Variants in SPATA31A1 observed in about 807,000 individuals in gnomAD.
SPATA31A1 encodes SPATA31 subfamily A member 1.
For missense variants in SPATA31A1, 579 were observed against 1,476.3 expected (o/e 0.39, Z 9.96); for synonymous variants, 194 against 573.4 (o/e 0.34, Z 9.45).
In SPATA31A1 at chr9:39,361,084, A is replaced by G; in HGVS notation, c.3319A>G (p.Ile1107Val). ...CKNQRPMFPP[I>V]HKSEKSRKPN... ...GAACCAAAGGCCAATGTTTCCCCCT[A>G]TTCACAAGAGTGAGAAGTCTAGGAA... The change falls in exon 4 of 4, where the codon ATT becomes GTT. Residue 1107 changes from isoleucine (I) to valine (V), a missense_variant. Transcript: ENST00000377647. The G allele has an allele frequency of 1.2e-6, 2 of 1,611,240 alleles. No homozygotes were observed. Among genetic ancestry groups the G allele is most frequent in the South Asian group, 1.1e-5 (1 of 90,944 alleles).
rs554469580 is a variant in SPATA31A1, at chr9:39,357,638, C to G, written c.248-120C>G. On this transcript the variant is annotated intron_variant, in intron 2 of 3. Coordinates refer to ENST00000377647, the MANE Select transcript of SPATA31A1 (RefSeq NM_001085452.4). ...CGTCGGGGTCATGTGGCTTTGGACA[C>G]AGATGGGTGGGGCCCAGGGTCTAAT... The G allele has an allele frequency of 5.3e-5, 85 of 1,592,330 alleles. 2 individuals are homozygous for G. The South Asian group carries it at 9.1e-4, about 17-fold the overall frequency.
intron 3 of SPATA31A1, 74 bp from the exon 4 acceptor site, chr9:39,358,000 G>A (rs1162372475): frequency 1.3e-6 from 2 of 1,579,646 alleles, no homozygotes; most frequent in African/African-American, 1.4e-5. Context: ...TGGAGGGGCT[G>A]TGGCCCGAGC....
Position 39,358,857 on chromosome 9 carries a change from G to C in SPATA31A1, c.1092G>C (p.Arg364=). 2.5e-6 allele frequency: 4 copies of C among 1,596,090 alleles called. No homozygotes were observed. The highest frequency in any genetic ancestry group is 3.4e-6 in the Non-Finnish European group (4 of 1,179,716). The part of the protein sequence containing the change: ...MTPEKHLNSL[R]NLAKSLDAEQ... ...CAGAAAAGCACTTAAATTCTTTGCG[G>C]AATTTGGCTAAATCATTGGATGCTG... is the stretch of plus-strand genomic sequence containing the variant. Residue 364 remains arginine, a synonymous_variant, in exon 4 of 4, where the codon CGG becomes CGC. Transcript: ENST00000377647.
At position 39,361,444 on chromosome 9, in the gene SPATA31A1, C is replaced by T. The variant is rs1468217021; in HGVS notation, c.3679C>T (p.Arg1227Cys). Reference sequence around the variant, plus strand: ...CGAGAAAATGTCACTTTGCCATGCGCGCCATGCCTCGAAGGTAAATCAGCA... The same window carrying T: ...CGAGAAAATGTCACTTTGCCATGCGTGCCATGCCTCGAAGGTAAATCAGCA... The part of the protein sequence containing the change: ...LDEKMSLCHA[R>C]HASKVNQHKQ... Residue 1227 changes from arginine to cysteine, a missense_variant, in exon 4 of 4, where the codon CGC becomes TGC. Coordinates refer to ENST00000377647, the MANE Select transcript of SPATA31A1 (RefSeq NM_001085452.4). 51 of 1,613,050 alleles carry T rather than the reference C, an allele frequency of 3.2e-5. 2 individuals carry two copies. Among genetic ancestry groups the T allele is most frequent in the Admixed American group, 2.8e-4 (17 of 59,946 alleles).
At position 39,361,337 on chromosome 9, in the gene SPATA31A1, A is replaced by C; in HGVS notation, c.3572A>C (p.Lys1191Thr). 1 of 1,613,650 alleles carries C rather than the reference A, an allele frequency of 6.2e-7. No individual in the cohort carries two copies. The highest frequency in any genetic ancestry group is 1.3e-5 in the African/African-American group (1 of 74,842). Residue 1191 changes from lysine to threonine, a missense_variant, in exon 4 of 4, where the codon AAA (lysine) becomes ACA (threonine). Physicochemically the swap from Lys to Thr is moderately conservative, Grantham distance 78 (BLOSUM62 -1). Coordinates refer to ENST00000377647, the MANE Select transcript of SPATA31A1 (RefSeq NM_001085452.4). ...GCACCAGTCACTGCTGAGAGCCAAA[A>C]AACAGTGAAAAACAGATCATGTGTG... ...KPAPVTAESQ[K>T]TVKNRSCVYS... is the part of the protein sequence containing the mutation.
intron 2 of SPATA31A1, chr9:39,357,518 C>A: frequency 1.8e-6 from 1 of 569,358 alleles, no homozygotes; most frequent in Non-Finnish European, 3.2e-6. Context: ...TCCTTTCTCC[C>A]CACAGGGCAG....
rs1289946823 is a variant in SPATA31A1, at chr9:39,361,384, C to G, written c.3619C>G (p.Gln1207Glu). The G allele has an allele frequency of 2.5e-6, 4 of 1,613,648 alleles. No homozygotes were observed. Among genetic ancestry groups the G allele is most frequent in the Non-Finnish European group, 2.5e-6 (3 of 1,179,842 alleles). ...TGTGTACAGCAGCAGTGCTGAAGCT[C>G]AGGGTCTCATGACGGCAGTTGGACA... Reference protein sequence around the residue: ...SCVYSSSAEAQGLMTAVGQML... With the variant: ...SCVYSSSAEAEGLMTAVGQML... The change falls in exon 4 of 4, where the codon CAG (glutamine) becomes GAG (glutamate). Residue 1207 changes from glutamine (Q) to glutamate (E), a missense_variant. Coordinates refer to ENST00000377647, the MANE Select transcript of SPATA31A1 (RefSeq NM_001085452.4).
chr9:39,359,173 C>T lies in SPATA31A1; in HGVS notation c.1408C>T (p.Gln470Ter). 3 of 1,611,866 alleles carry T rather than the reference C, an allele frequency of 1.9e-6. No individual in the cohort carries two copies. The highest frequency in any genetic ancestry group is 1.7e-6 in the Non-Finnish European group (2 of 1,179,862). The change falls in exon 4 of 4, where the codon CAG becomes TAG. Residue 470 changes from glutamine (Q) to a stop codon, truncating the protein, a stop_gained. Coordinates refer to ENST00000377647, the MANE Select transcript of SPATA31A1 (RefSeq NM_001085452.4). LOFTEE classifies it low-confidence loss of function (END_TRUNC). ...TTMSPLLFQA[Q>*]PPSHLGPECQ... The stretch of plus-strand genomic sequence containing the variant: ...AATGTCCCCACTGCTTTTCCAGGCC[C>T]AGCCCCCGTCCCATCTGGGGCCCGA...
At position 39,358,820 on chromosome 9, in the gene SPATA31A1, A is replaced by G; in HGVS notation, c.1055A>G (p.Asp352Gly). 2 of 1,597,104 alleles carry G rather than the reference A, an allele frequency of 1.3e-6. No individual in the cohort carries two copies. Among genetic ancestry groups the G allele is most frequent in the Non-Finnish European group, 8.5e-7 (1 of 1,179,748 alleles). ...EEKENVGSFT[D>G]RMTPEKHLNS... ...AAAGAAAATGTTGGATCATTTACAGATCGAATGACCCCAGAAAAGCACTTA... is the reference window on the plus strand; with the variant it reads ...AAAGAAAATGTTGGATCATTTACAGGTCGAATGACCCCAGAAAAGCACTTA... The change falls in exon 4 of 4, where the codon GAT becomes GGT. Residue 352 changes from aspartate (D) to glycine (G), a missense_variant. Coordinates refer to ENST00000377647, the MANE Select transcript of SPATA31A1 (RefSeq NM_001085452.4).
intron 1 of SPATA31A1, among the ~76,000 whole-genome samples, chr9:39,356,543 C>T (rs201639828): frequency 0.071 from 4,509 of 63,132 alleles, no homozygotes; most frequent in Admixed American, 0.087. Flanking sequence ...GTGTTATTTT[C>T]ATTTTATTTT....
At position 39,358,666 on chromosome 9, in the gene SPATA31A1, C is replaced by T. The variant is rs1330313649; in HGVS notation, c.901C>T (p.His301Tyr). Residue 301 changes from histidine (H) to tyrosine (Y), a missense_variant, in exon 4 of 4, where the codon CAT (histidine) becomes TAT (tyrosine). Coordinates refer to ENST00000377647, the MANE Select transcript of SPATA31A1 (RefSeq NM_001085452.4). Reference protein sequence around the residue: ...CAFNSSVQQDHLSRHPPETYQ... With the variant: ...CAFNSSVQQDYLSRHPPETYQ... ...CTTTAACTCATCAGTCCAGCAAGAT[C>T]ATCTTTCCCGCCACCCACCAGAGAC... The T allele has an allele frequency of 1.2e-6, 2 of 1,608,550 alleles. No individual in the cohort carries two copies. Among genetic ancestry groups the T allele is most frequent in the Admixed American group, 1.7e-5 (1 of 59,974 alleles).
At position 39,356,642 on chromosome 9, in the gene SPATA31A1, C is replaced by T. The variant is rs1463147486; in HGVS notation, c.190-490C>T. 5.9e-3 allele frequency among the ~76,000 whole-genome samples: 160 copies of T among 27,146 alleles called. 7 individuals carry two copies. Among genetic ancestry groups the T allele is most frequent in the Non-Finnish European group, 8.8e-3 (142 of 16,202 alleles). 17.8% of individuals were successfully genotyped at this position (27,146 alleles called of 152,430 possible). On this transcript the variant is annotated intron_variant, in intron 1 of 3. Coordinates refer to ENST00000377647, the MANE Select transcript of SPATA31A1 (RefSeq NM_001085452.4). ...GAGTCTCGCTCTGTGGTGCAGGTTGCAGTGAAATGGAGTGATATCGGCTCA... is the reference window on the plus strand; with the variant it reads ...GAGTCTCGCTCTGTGGTGCAGGTTGTAGTGAAATGGAGTGATATCGGCTCA...
rs1823318899 is a variant in SPATA31A1 at position 39,355,822 on chromosome 9, C to T, written c.92C>T (p.Thr31Ile). ...CCATGGGTGTTGGATATCTTCCTCA[C>T]TTTGGTGTTTGCCCTGGGGTTCTTC... The part of the protein sequence containing the change: ...STPWVLDIFL[T>I]LVFALGFFFL... Residue 31 changes from threonine to isoleucine, a missense_variant, in exon 1 of 4, where the codon ACT becomes ATT. Coordinates refer to ENST00000377647, the MANE Select transcript of SPATA31A1 (RefSeq NM_001085452.4). The T allele has an allele frequency of 8.0e-6, 3 of 376,086 alleles. No homozygotes were observed. Among genetic ancestry groups the T allele is most frequent in the Non-Finnish European group, 1.2e-5 (3 of 245,248 alleles). The allele number at this position is 376,086 out of a possible 1,614,324, so 23.3% of individuals were successfully genotyped here.
In SPATA31A1 at chr9:39,361,788, T is replaced by C; in HGVS notation, c.4023T>C (p.Cys1341=). Reference sequence around the variant, plus strand: ...ACCATCACCACTGTCCAAGGCACTGTCTTCTTTGGGAAGGTATCTGATTTG... The same window carrying C: ...ACCATCACCACTGTCCAAGGCACTGCCTTCTTTGGGAAGGTATCTGATTTG... The part of the protein sequence containing the change: ...SSHHHHCPRH[C]LLWEGI The change falls in exon 4 of 4, where the codon TGT becomes TGC. Residue 1341 remains cysteine (C), a synonymous_variant. Transcript: ENST00000377647. 1 of 1,611,370 alleles carries C rather than the reference T, an allele frequency of 6.2e-7. No homozygotes were observed. The highest frequency in any genetic ancestry group is 8.5e-7 in the Non-Finnish European group (1 of 1,179,706).
chr9:39,356,989 C>T, intron 1 of SPATA31A1, 143 bp from the exon 2 acceptor site: 1 of 724,114 alleles, frequency 1.4e-6, no homozygotes, highest in Non-Finnish European at 2.3e-6. Context: ...CAGAGAGAGC[C>T]ATGCGGTTCC....
At chr9:39,357,622 C>G in intron 2 of SPATA31A1, 136 bp from the exon 3 acceptor site, 1 of 1,552,660 alleles carries the variant, frequency 6.4e-7, no homozygotes, top group South Asian at 1.1e-5. Flanking sequence ...ACGTCGGGGT[C>G]ATGTGGCTTT....
At chr9:39,357,891 G>C in intron 3 of SPATA31A1, 73 bp downstream of exon 3, 2 of 1,500,552 alleles carry the variant, frequency 1.3e-6, no homozygotes, top group Non-Finnish European at 1.8e-6. Context: ...AGGCAGCCTG[G>C]AGCTGACCTG....
chr9:39,361,326 T>G lies in SPATA31A1; in HGVS notation c.3561T>G (p.Ala1187=). The G allele has an allele frequency of 6.2e-7, 1 of 1,613,566 alleles. No homozygotes were observed. The highest frequency in any genetic ancestry group is 8.5e-7 in the Non-Finnish European group (1 of 1,179,842). Residue 1187 remains alanine (A), a synonymous_variant, in exon 4 of 4, where the codon GCT becomes GCG. Transcript: ENST00000377647. ...AAAGCAAGCCAGCACCAGTCACTGCTGAGAGCCAAAAAACAGTGAAAAACA... is the reference window on the plus strand; with the variant it reads ...AAAGCAAGCCAGCACCAGTCACTGCGGAGAGCCAAAAAACAGTGAAAAACA... The part of the protein sequence containing the change: ...KKKSKPAPVT[A]ESQKTVKNRS...
At chr9:39,356,931 C>T (rs1587772113) in intron 1 of SPATA31A1, among the ~76,000 whole-genome samples, 2 of 127,452 alleles carry the variant, frequency 1.6e-5, no homozygotes, top group East Asian at 5.0e-4. Flanking sequence ...AGTTTATCAT[C>T]CATTTAAACA....
Sources: gnomAD v4.1 joint callset for allele counts (sites outside exome capture counted in the v4.1 genomes callset) on GRCh38, gnomAD v4.1.1 for gene constraint, MANE v1.5 for transcripts, NCBI Gene and HGNC (gene_info 2026-07-23, HGNC 2026-07-21) for gene names.